SYT1: variants seen among roughly 807,000 people sequenced by gnomAD.
The protein encoded by SYT1 is synaptotagmin-1.
Under a neutral mutation model 44.8 loss-of-function variants are expected in SYT1, and 8 were observed. That is an observed-to-expected ratio of 0.18 (90% CI 0.10 to 0.32). The LOEUF (loss-of-function observed/expected upper bound fraction) is 0.32. Among genes scored for constraint, SYT1 ranks in the 10% least tolerant of loss-of-function variants. SYT1 has a pLI of 1.00. For missense variants in SYT1, 286 were observed against 509.3 expected (o/e 0.56, Z 4.22); for synonymous variants, 154 against 188.8 (o/e 0.82, Z 1.51).
chr12:79,097,025 G>C (rs1419608745), intron 3 of SYT1, among the ~76,000 whole-genome samples: 1 of 151,980 alleles, frequency 6.6e-6, no homozygotes, highest in Admixed American at 6.6e-5. Flanking sequence ...AAGTACGGAA[G>C]AGACATTATT....
intron 4 of SYT1, among the ~76,000 whole-genome samples, chr12:79,220,700 G>A (rs889112587): frequency 2.6e-5 from 4 of 151,914 alleles, no homozygotes; most frequent in Non-Finnish European, 5.9e-5. Context: ...ATTTATTCAA[G>A]AGTATGTTGT....
chr12:79,413,226 G>A (rs1192442759), intron 9 of SYT1, among the ~76,000 whole-genome samples: 1 of 152,128 alleles, frequency 6.6e-6, no homozygotes, highest in African/African-American at 2.4e-5. Flanking sequence ...CATGATCTTG[G>A]CTCGCATTGT....
At chr12:78,995,218 A>G (rs1870297547) in intron 2 of SYT1, among the ~76,000 whole-genome samples, 1 of 152,212 alleles carries the variant, frequency 6.6e-6, no homozygotes, top group Non-Finnish European at 1.5e-5. Context: ...ATCCCCAGGC[A>G]TAGCCTTGTG....
chr12:79,302,393 GTT>G (rs1880192276), intron 8 of SYT1, among the ~76,000 whole-genome samples: 1 of 152,120 alleles, frequency 6.6e-6, no homozygotes, highest in African/African-American at 2.4e-5. Flanking sequence ...ATGGAGTAAG[GTT>G]TTATTGCCAG....
intron 9 of SYT1, among the ~76,000 whole-genome samples, chr12:79,372,846 C>T (rs1883847020): frequency 6.7e-6 from 1 of 148,858 alleles, no homozygotes; most frequent in South Asian, 2.1e-4. Context: ...AGTTGTCCAT[C>T]AGCACGCACT....
intron 4 of SYT1, among the ~76,000 whole-genome samples, chr12:79,241,219 G>GA (rs1876489901): frequency 6.7e-6 from 1 of 149,866 alleles, no homozygotes; most frequent in Non-Finnish European, 1.5e-5. Context: ...TGAGATTCTA[G>GA]AAAAAAGCGA....
chr12:79,354,373 C>T (rs1883029618), intron 9 of SYT1, among the ~76,000 whole-genome samples: 1 of 152,184 alleles, frequency 6.6e-6, no homozygotes, highest in South Asian at 2.1e-4. Flanking sequence ...ACAAGGTCAT[C>T]ATAAATTGAC....
At chr12:79,329,444 CAA>C (rs1881757812) in intron 8 of SYT1, among the ~76,000 whole-genome samples, 1 of 152,190 alleles carries the variant, frequency 6.6e-6, no homozygotes, top group Non-Finnish European at 1.5e-5. Context: ...ACGAAATACA[CAA>C]AGTTGGATAA....
intron 2 of SYT1, among the ~76,000 whole-genome samples, chr12:79,037,229 C>T (rs1242698802): frequency 1.3e-5 from 2 of 151,400 alleles, no homozygotes; most frequent in Admixed American, 6.6e-5. Flanking sequence ...GTGCCCTTAT[C>T]GTCACTCAGT....
chr12:79,407,090 A>T (rs570340527), intron 9 of SYT1, among the ~76,000 whole-genome samples: 2 of 152,254 alleles, frequency 1.3e-5, no homozygotes, highest in African/African-American at 2.4e-5. Context: ...TTAAGATGGC[A>T]TGTGACAGTG....
chr12:79,001,002 T>C (rs564411282), intron 2 of SYT1, among the ~76,000 whole-genome samples: 1 of 152,312 alleles, frequency 6.6e-6, no homozygotes, highest in Non-Finnish European at 1.5e-5. Context: ...GAACAGTGCC[T>C]TTCCAAGAAT....
intron 2 of SYT1, among the ~76,000 whole-genome samples, chr12:79,036,083 C>T (rs906872337): frequency 6.6e-6 from 1 of 151,718 alleles, no homozygotes; most frequent in Non-Finnish European, 1.5e-5. Context: ...ATTTTCTGCT[C>T]ATCTCCATTC....
chr12:79,247,207 G>T (rs1403322138), intron 4 of SYT1, among the ~76,000 whole-genome samples: 3 of 151,952 alleles, frequency 2.0e-5, no homozygotes, highest in African/African-American at 4.8e-5. Flanking sequence ...TTTTAGGGAG[G>T]GTATTCAAAA....
chr12:79,217,899 CA>C (rs201280932), intron 4 of SYT1, among the ~76,000 whole-genome samples: 112 of 149,378 alleles, frequency 7.5e-4, no homozygotes, highest in Middle Eastern at 3.5e-3. Flanking sequence ...ATCCAGTTTA[CA>C]AAAAAAAAAA....
chr12:79,204,687 A>C (rs1409781709), intron 3 of SYT1, among the ~76,000 whole-genome samples: 1 of 152,148 alleles, frequency 6.6e-6, no homozygotes, highest in Non-Finnish European at 1.5e-5. Flanking sequence ...GATCCATGGA[A>C]GATTTCAGTT....
intron 4 of SYT1, among the ~76,000 whole-genome samples, chr12:79,269,351 A>G (rs1297825889): frequency 6.6e-6 from 1 of 152,068 alleles, no homozygotes; most frequent in Admixed American, 6.6e-5. Flanking sequence ...TTTTGTGCTT[A>G]ACTGTATTGC....
chr12:79,000,524 C>T (rs1870672104), intron 2 of SYT1, among the ~76,000 whole-genome samples: 1 of 152,104 alleles, frequency 6.6e-6, no homozygotes, highest in Admixed American at 6.6e-5. Context: ...GTCTCAAACT[C>T]CTGACCTCAG....
chr12:79,190,399 A>G (rs1873041997), intron 3 of SYT1, among the ~76,000 whole-genome samples: 1 of 152,126 alleles, frequency 6.6e-6, no homozygotes, highest in African/African-American at 2.4e-5. Context: ...TAAAAGGCCT[A>G]TAAGAGCACC....
At chr12:79,364,117 A>G (rs1371431406) in intron 9 of SYT1, among the ~76,000 whole-genome samples, 1 of 152,220 alleles carries the variant, frequency 6.6e-6, no homozygotes, top group Non-Finnish European at 1.5e-5. Context: ...TAATCCTATT[A>G]TAATAGAAAT....
Sources: allele counts gnomAD v4.1 joint callset (sites outside exome capture counted in the v4.1 genomes callset), GRCh38; gene constraint gnomAD v4.1.1; transcripts MANE v1.5; gene names NCBI Gene and HGNC (gene_info 2026-07-23, HGNC 2026-07-21).